Variants in TRPM3 observed in about 807,000 individuals in gnomAD.
TRPM3 encodes transient receptor potential cation channel subfamily M member 3.
Under a neutral mutation model 181.2 loss-of-function variants are expected in TRPM3, and 77 were observed. The ratio of observed to expected loss-of-function variants is 0.42; its 90% CI spans 0.35 to 0.51. The LOEUF is 0.51. Ranked by LOEUF, TRPM3 falls within the 20% of genes least tolerant of loss-of-function variation. The probability of loss-of-function intolerance (pLI) is 0.01; values close to 1 mark genes in which losing one functional copy is unlikely to be tolerated. For missense variants in TRPM3, 1,759 were observed against 2,196.7 expected (o/e 0.80, Z 3.98); for synonymous variants, 745 against 796.4 (o/e 0.94, Z 1.09).
intron 1 of TRPM3, among the ~76,000 whole-genome samples, chr9:71,199,198 C>T (rs1254586502): frequency 4.6e-5 from 7 of 151,184 alleles, no homozygotes. Context: ...TATATTGAGC[C>T]AGCCTTGCAT....
In TRPM3 at chr9:71,373,851, G is replaced by C. The variant is rs538440145; in HGVS notation, c.183+72802C>G. On this transcript the variant is annotated intron_variant, in intron 1 of 24. Transcript: ENST00000357533. ...AAGCAAACTTCAGGCCAATATCCTT[G>C]ATGAACATTGATGCAAAAATCCCCA... Among the ~76,000 whole-genome samples, 17 of 152,288 alleles carry C rather than the reference G, an allele frequency of 1.1e-4. No homozygotes were observed. The East Asian group carries it at 3.3e-3, about 29-fold the overall frequency.
At chr9:70,740,917 G>T (rs932085492) in intron 8 of TRPM3, among the ~76,000 whole-genome samples, 1 of 152,086 alleles carries the variant, frequency 6.6e-6, no homozygotes, top group African/African-American at 2.4e-5. Context: ...AAGACTTCAC[G>T]ACAAGAACAC....
chr9:70,557,661 C>T (rs2048048188), intron 22 of TRPM3, among the ~76,000 whole-genome samples: 1 of 152,198 alleles, frequency 6.6e-6, no homozygotes, highest in African/African-American at 2.4e-5. Context: ...GCCCCCGGGA[C>T]ATGCACCCAA....
intron 7 of TRPM3, among the ~76,000 whole-genome samples, chr9:70,764,140 A>G (rs2078660673): frequency 6.6e-6 from 1 of 152,146 alleles, no homozygotes; most frequent in Non-Finnish European, 1.5e-5. Flanking sequence ...AGACAATGAA[A>G]AGCCATTGAA....
chr9:70,917,572 T>TTTTTTTTTTTGAGA lies in TRPM3; in HGVS notation c.178-53062_178-53061insTCTCAAAAAAAAAA, dbSNP rs1554769125. On this transcript the variant is annotated intron_variant, in intron 1 of 25. Coordinates refer to ENST00000677713, the MANE Select transcript of TRPM3 (RefSeq NM_001366145.2). ...ACGCAAACAGTGTTAAGTTGTTATA[T>TTTTTTTTTTTGAGA]CAACTTAAAATAATGGCTTATACTA... is the stretch of plus-strand genomic sequence containing the variant. The TTTTTTTTTTTGAGA allele has an allele frequency of 5.1e-6, 3 of 593,524 alleles. No individual in the cohort carries two copies. In the African/African-American group the frequency reaches 5.8e-5, roughly 11 times the overall value. 36.8% of individuals were successfully genotyped at this position (593,524 alleles called of 1,614,324 possible). A position where few individuals can be genotyped will look rare whatever the true frequency, so the allele number is the denominator to read the frequency against.
chr9:71,289,818 A>C (rs1588315917), intron 1 of TRPM3, among the ~76,000 whole-genome samples: 2 of 142,076 alleles, frequency 1.4e-5, no homozygotes, highest in African/African-American at 5.1e-5. Flanking sequence ...CAGTGAGTTA[A>C]GAGTTAAGAT....
At chr9:70,882,083 C>G (rs1296252235) in intron 1 of TRPM3, among the ~76,000 whole-genome samples, 1 of 152,136 alleles carries the variant, frequency 6.6e-6, no homozygotes, top group African/African-American at 2.4e-5. Context: ...GACTAAGAGT[C>G]AACTCAACTT....
In TRPM3 at chr9:71,393,004, GTA is replaced by G. The variant is rs1229725296; in HGVS notation, c.183+53647_183+53648del. Among the ~76,000 whole-genome samples the G allele has an allele frequency of 4.6e-5, 7 of 152,250 alleles. No homozygotes were observed. In the South Asian group the frequency reaches 1.2e-3, roughly 27 times the overall value. On this transcript the variant is annotated intron_variant, in intron 1 of 24. Coordinates refer to the TRPM3 transcript ENST00000357533. ...CATACTTATGGGCCTGGAGCAATAG[GTA>G]TTAAAAGGAAGGAATGTAAGAAACG...
intron 1 of TRPM3, among the ~76,000 whole-genome samples, chr9:71,021,400 TAACTC>T (rs1701457681): frequency 6.6e-6 from 1 of 152,186 alleles, no homozygotes; most frequent in African/African-American, 2.4e-5. Context: ...AAAAGTGTGT[TAACTC>T]AAGTGTGAAG....
At chr9:70,930,374 G>A (rs2096763867) in intron 1 of TRPM3, among the ~76,000 whole-genome samples, 1 of 152,058 alleles carries the variant, frequency 6.6e-6, no homozygotes, top group Admixed American at 6.6e-5. Context: ...CTGTTAGTAG[G>A]ATTCAGCATG....
chr9:71,006,260 T>A, intron 1 of TRPM3, among the ~76,000 whole-genome samples: 1 of 150,874 alleles, frequency 6.6e-6, no homozygotes, highest in Non-Finnish European at 1.5e-5. Context: ...CAGAAAATGG[T>A]AAAATAGGAA....
At chr9:70,784,875 T>A (rs1204264560) in intron 6 of TRPM3, among the ~76,000 whole-genome samples, 1 of 152,134 alleles carries the variant, frequency 6.6e-6, no homozygotes, top group Admixed American at 6.5e-5. Flanking sequence ...TAATTTTTTG[T>A]TTTTGAGATG....
chr9:71,276,555 T>C lies in TRPM3; in HGVS notation c.183+170098A>G, dbSNP rs570529709. 2.6e-5 allele frequency among the ~76,000 whole-genome samples: 4 copies of C among 152,270 alleles called. No homozygotes were observed. In the East Asian group the frequency reaches 5.8e-4, roughly 22 times the overall value. On this transcript the variant is annotated intron_variant, in intron 1 of 24. Coordinates refer to the TRPM3 transcript ENST00000357533. ...AAGAAATAAATGACCCATAAGTAGA[T>C]TACAATGTGTTGACCCTTTTAGTAA...
At chr9:70,977,391 C>T (rs1264819593) in intron 1 of TRPM3, among the ~76,000 whole-genome samples, 1 of 152,238 alleles carries the variant, frequency 6.6e-6, no homozygotes, top group Admixed American at 6.5e-5. Flanking sequence ...GCATTGGCCT[C>T]CCAAAGTGCT....
intron 1 of TRPM3, among the ~76,000 whole-genome samples, chr9:71,434,916 G>A (rs1563928544): frequency 6.6e-6 from 1 of 152,056 alleles, no homozygotes; most frequent in Non-Finnish European, 1.5e-5. Flanking sequence ...AATGGTAACA[G>A]CTCCATTTTA....
At chr9:71,225,539 G>T (rs914491917) in intron 1 of TRPM3, among the ~76,000 whole-genome samples, 3 of 152,100 alleles carry the variant, frequency 2.0e-5, no homozygotes, top group Non-Finnish European at 2.9e-5. Context: ...TCATCTGAAT[G>T]TACAAAACTC....
intron 1 of TRPM3, among the ~76,000 whole-genome samples, chr9:70,927,545 A>T (rs576646510): frequency 6.6e-6 from 1 of 152,336 alleles, no homozygotes; most frequent in East Asian, 1.9e-4. Flanking sequence ...AAAGAGAGAA[A>T]AAAATGTTCT....
At chr9:70,867,380 G>C (rs574210227) in intron 1 of TRPM3, among the ~76,000 whole-genome samples, 50 of 152,070 alleles carry the variant, frequency 3.3e-4, no homozygotes, top group Non-Finnish European at 6.3e-4. Context: ...GGAAGTTTTA[G>C]TCAGATGATG....
At chr9:71,090,650 G>A (rs563030703) in intron 1 of TRPM3, among the ~76,000 whole-genome samples, 36 of 152,168 alleles carry the variant, frequency 2.4e-4, no homozygotes, top group Non-Finnish European at 3.5e-4. Flanking sequence ...GGAGGAGTCC[G>A]GCAGCACAGA....
Sources: gnomAD v4.1 joint callset for allele counts (sites outside exome capture counted in the v4.1 genomes callset) on GRCh38, gnomAD v4.1.1 for gene constraint, MANE v1.5 for transcripts, NCBI Gene and HGNC (gene_info 2026-07-23, HGNC 2026-07-21) for gene names.